DCC: variants seen among roughly 807,000 people sequenced by gnomAD.
The protein encoded by DCC is DCC netrin 1 receptor.
Under a neutral mutation model 172.5 loss-of-function variants are expected in DCC, and 58 were observed. The ratio of observed to expected loss-of-function variants is 0.34; its 90% confidence interval spans 0.27 to 0.42. The LOEUF (loss-of-function observed/expected upper bound fraction) is 0.42. Ranked by LOEUF, DCC falls within the 10% of genes least tolerant of loss-of-function variation. DCC has a pLI of 1.00. For missense variants in DCC, 1,740 were observed against 1,791.0 expected, an observed-to-expected ratio of 0.97 and a Z score of 0.51; for synonymous variants, 709 against 644.5, an observed-to-expected ratio of 1.10 and a Z score of -1.52.
chr18:52,877,348 A>T (rs974355874), intron 2 of DCC, among the ~76,000 whole-genome samples: 1 of 152,092 alleles, frequency 6.6e-6, no homozygotes, highest in Non-Finnish European at 1.5e-5. Flanking sequence ...GTTTCGAACT[A>T]TTGGTCTAGA....
At chr18:52,922,169 A>G (rs186788864) in intron 3 of DCC, among the ~76,000 whole-genome samples, 51 of 152,256 alleles carry the variant, frequency 3.3e-4, no homozygotes, top group African/African-American at 1.2e-3. Context: ...TGTTCTCAAT[A>G]TTTTCATTGT....
At chr18:52,936,097 G>A (rs753162057) in intron 5 of DCC, among the ~76,000 whole-genome samples, 2 of 152,126 alleles carry the variant, frequency 1.3e-5, no homozygotes, top group Admixed American at 6.6e-5. Context: ...GTAGGATACA[G>A]GTGTGTAATA....
intron 21 of DCC, among the ~76,000 whole-genome samples, chr18:53,423,413 G>A (rs1317249532): frequency 1.3e-5 from 2 of 152,054 alleles, no homozygotes; most frequent in African/African-American, 2.4e-5. Flanking sequence ...CAAGAACCTT[G>A]GCTATCTGAC....
intron 7 of DCC, among the ~76,000 whole-genome samples, chr18:53,155,804 A>G (rs2054722137): frequency 6.6e-6 from 1 of 152,254 alleles, no homozygotes; most frequent in African/African-American, 2.4e-5. Context: ...AGACAGGTGG[A>G]TCATCTGAGG....
At chr18:52,854,615 C>A (rs1404518694) in intron 2 of DCC, among the ~76,000 whole-genome samples, 1 of 152,224 alleles carries the variant, frequency 6.6e-6, no homozygotes, top group Non-Finnish European at 1.5e-5. Context: ...GCTAGACTCA[C>A]ATGCACCCTA....
intron 12 of DCC, among the ~76,000 whole-genome samples, chr18:53,282,167 G>C (rs932074906): frequency 3.3e-5 from 5 of 152,150 alleles, no homozygotes; most frequent in African/African-American, 1.2e-4. Flanking sequence ...TTTTTCTTTT[G>C]TTGTTTTTGC....
intron 21 of DCC, among the ~76,000 whole-genome samples, chr18:53,417,859 T>A (rs1000386685): frequency 1.3e-5 from 2 of 152,152 alleles, no homozygotes; most frequent in African/African-American, 4.8e-5. Context: ...AATATTATTT[T>A]AAACCACCAC....
intron 1 of DCC, among the ~76,000 whole-genome samples, chr18:52,485,008 T>C (rs1226572265): frequency 1.3e-5 from 2 of 152,130 alleles, no homozygotes; most frequent in Non-Finnish European, 2.9e-5. Flanking sequence ...TTTCTGTCTC[T>C]AAATTCTGTG....
At chr18:53,238,280 T>C (rs888183769) in intron 12 of DCC, among the ~76,000 whole-genome samples, 25 of 152,258 alleles carry the variant, frequency 1.6e-4, no homozygotes, top group African/African-American at 5.8e-4. Flanking sequence ...TCATGACTCC[T>C]AGAATTATTC....
intron 2 of DCC, among the ~76,000 whole-genome samples, chr18:52,806,633 G>C (rs982509496): frequency 6.6e-6 from 1 of 152,166 alleles, no homozygotes; most frequent in Non-Finnish European, 1.5e-5. Context: ...AGAAAGGAGA[G>C]GAATATTTGT....
chr18:52,560,784 G>A (rs1045602429), intron 1 of DCC, among the ~76,000 whole-genome samples: 1 of 152,176 alleles, frequency 6.6e-6, no homozygotes, highest in East Asian at 1.9e-4. Flanking sequence ...TTATTTGGAT[G>A]TGAGAATGTG....
rs542106832 is a variant in DCC, at chr18:53,201,843, C to T, written c.1574-3373C>T. 2.6e-5 allele frequency among the ~76,000 whole-genome samples: 4 copies of T among 152,132 alleles called. No individual in the cohort carries two copies. In the South Asian group the frequency reaches 8.3e-4, roughly 32 times the overall value. On this transcript the variant is annotated intron_variant, in intron 9 of 28. Coordinates refer to ENST00000442544, the MANE Select transcript of DCC (RefSeq NM_005215.4). Reference sequence around the variant, plus strand: ...GGAAGAATATTGAAGTGGAGACACTCATAAAGTGTCTGTGAAAATACAACT... The same window carrying T: ...GGAAGAATATTGAAGTGGAGACACTTATAAAGTGTCTGTGAAAATACAACT...
intron 15 of DCC, among the ~76,000 whole-genome samples, chr18:53,350,897 G>T (rs1421861507): frequency 1.3e-5 from 2 of 151,848 alleles, no homozygotes; most frequent in Non-Finnish European, 2.9e-5. Context: ...AGAAAATCTT[G>T]ACTGACAGAA....
rs190733210 is a variant in DCC, at chr18:53,351,371, A to G, written c.2359+11464A>G. ...TATACACAGTATATATATATACTGT[A>G]TATATATATACAGTATATATATATA... On this transcript the variant is annotated intron_variant, in intron 15 of 28. Coordinates refer to ENST00000442544, the MANE Select transcript of DCC (RefSeq NM_005215.4). 5.1e-3 allele frequency among the ~76,000 whole-genome samples: 280 copies of G among 54,598 alleles called. 9 individuals are homozygous for G. Among genetic ancestry groups the G allele is most frequent in the Middle Eastern group, 0.013 (1 of 78 alleles). The allele number at this position is 54,598 out of a possible 152,430, so 35.8% of individuals were successfully genotyped here. A position where few individuals can be genotyped will look rare whatever the true frequency, so the allele number is the denominator to read the frequency against.
In DCC at chr18:52,423,330, A is replaced by C. The variant is rs533809263; in HGVS notation, c.91+82452A>C. On this transcript the variant is annotated intron_variant, in intron 1 of 28. Transcript: ENST00000442544. Reference sequence around the variant, plus strand: ...TATCTTCAAACTGGGGGATCTGCAAAGTCGTCAGAGTGGTGGGGTTGAAGC... The same window carrying C: ...TATCTTCAAACTGGGGGATCTGCAACGTCGTCAGAGTGGTGGGGTTGAAGC... Among the ~76,000 whole-genome samples the C allele has an allele frequency of 2.7e-4, 41 of 152,250 alleles. 1 individual carries two copies. The South Asian group carries it at 8.5e-3, about 32-fold the overall frequency.
At position 53,137,758 on chromosome 18, in the gene DCC, A is replaced by G. The variant is rs574217363; in HGVS notation, c.1262-19598A>G. Among the ~76,000 whole-genome samples, 23 of 152,258 alleles carry G rather than the reference A, an allele frequency of 1.5e-4. 1 individual carries two copies. The highest frequency in any genetic ancestry group is 4.8e-4 in the African/African-American group (20 of 41,562). ...TAAAGAAATATTTGAATAAATTTAT[A>G]TACATATACTTAATAATTTTAGCAG... On this transcript the variant is annotated intron_variant, in intron 7 of 28. Transcript: ENST00000442544.
At chr18:52,886,111 G>T (rs2039565644) in intron 2 of DCC, among the ~76,000 whole-genome samples, 1 of 151,884 alleles carries the variant, frequency 6.6e-6, no homozygotes, top group African/African-American at 2.4e-5. Flanking sequence ...AAGCTGCACT[G>T]CCTGGGGTTG....
chr18:52,589,163 C>A (rs1425172066), intron 1 of DCC, among the ~76,000 whole-genome samples: 1 of 152,112 alleles, frequency 6.6e-6, no homozygotes, highest in Non-Finnish European at 1.5e-5. Context: ...ACTTTTTTAG[C>A]AAATTGCAGA....
chr18:53,295,263 T>C (rs1270324577), intron 12 of DCC, among the ~76,000 whole-genome samples: 1 of 152,032 alleles, frequency 6.6e-6, no homozygotes, highest in Non-Finnish European at 1.5e-5. Context: ...AATTATATAT[T>C]TATTAATGCT....
Sources: gnomAD v4.1 joint callset for allele counts (sites outside exome capture counted in the v4.1 genomes callset) on GRCh38, gnomAD v4.1.1 for gene constraint, MANE v1.5 for transcripts, NCBI Gene and HGNC (gene_info 2026-07-23, HGNC 2026-07-21) for gene names.